Variants in TMEFF1 observed in about 807,000 individuals in gnomAD.
TMEFF1 encodes transmembrane protein with EGF like and two follistatin like domains 1, also known as tomoregulin-1.
TMEFF1 carries 20 observed loss-of-function variants against 47.5 expected under a neutral mutation model. The observed-to-expected ratio is 0.42, with a 90% CI of 0.30 to 0.61. TMEFF1 has a LOEUF of 0.61. Among genes scored for constraint, TMEFF1 ranks in the 20% least tolerant of loss-of-function variants. TMEFF1 has a pLI of 0.19. For synonymous variants in TMEFF1, 162 were observed against 166.3 expected (o/e 0.97, Z 0.20); for missense variants, 411 against 471.1 (o/e 0.87, Z 1.18).
At chr9:100,520,746 G>C (rs1260066287) in intron 5 of TMEFF1, among the ~76,000 whole-genome samples, 3 of 152,184 alleles carry the variant, frequency 2.0e-5, no homozygotes, top group African/African-American at 7.2e-5. Context: ...TGGTAGTAGA[G>C]CAAGGAAGTA....
chr9:100,496,568 T>G (rs1837653179), intron 1 of TMEFF1, among the ~76,000 whole-genome samples: 1 of 152,292 alleles, frequency 6.6e-6, no homozygotes, highest in South Asian at 2.1e-4. Context: ...TGCCTCACAT[T>G]AGCAGGGATG....
intron 1 of TMEFF1, among the ~76,000 whole-genome samples, chr9:100,492,591 G>A (rs147525682): frequency 6.6e-6 from 1 of 152,280 alleles, no homozygotes; most frequent in East Asian, 1.9e-4. Flanking sequence ...GATTAAGTTG[G>A]AGATAAGTTC....
intron 1 of TMEFF1, among the ~76,000 whole-genome samples, chr9:100,479,352 C>T (rs1837296366): frequency 6.6e-6 from 1 of 152,192 alleles, no homozygotes; most frequent in Non-Finnish European, 1.5e-5. Flanking sequence ...TGCTTCCCTA[C>T]AGCAGTCCCC....
intron 5 of TMEFF1, among the ~76,000 whole-genome samples, chr9:100,526,835 G>C (rs959929862): frequency 3.3e-5 from 5 of 151,216 alleles, no homozygotes; most frequent in African/African-American, 1.2e-4. Flanking sequence ...TCTACTTTTG[G>C]CCGGGCATGG....
intron 5 of TMEFF1, 49 bp downstream of exon 5, chr9:100,516,820 A>G (rs1307261448): frequency 1.3e-6 from 2 of 1,584,196 alleles, no homozygotes; most frequent in East Asian, 2.2e-5. Flanking sequence ...ATTAATCATC[A>G]GTATGATTAT....
intron 5 of TMEFF1, among the ~76,000 whole-genome samples, chr9:100,530,157 G>C (rs1838348737): frequency 6.6e-6 from 1 of 151,236 alleles, no homozygotes. Flanking sequence ...ATCCAAAATT[G>C]ACACCCTAAC....
At chr9:100,532,652 AG>A (rs1309282329) in intron 5 of TMEFF1, among the ~76,000 whole-genome samples, 1 of 151,602 alleles carries the variant, frequency 6.6e-6, no homozygotes, top group African/African-American at 2.4e-5. Context: ...ACTGTAAACT[AG>A]TTCAACCATT....
intron 2 of TMEFF1, among the ~76,000 whole-genome samples, chr9:100,505,795 C>T (rs1033057696): frequency 6.6e-6 from 1 of 152,164 alleles, no homozygotes; most frequent in East Asian, 1.9e-4. Context: ...CACAACACTA[C>T]GTTAGAAAGT....
intron 7 of TMEFF1, among the ~76,000 whole-genome samples, chr9:100,560,330 A>G (rs1040341159): frequency 6.6e-6 from 1 of 152,124 alleles, no homozygotes; most frequent in Non-Finnish European, 1.5e-5. Context: ...TTAAGAGGGT[A>G]GTATACTGCA....
intron 5 of TMEFF1, among the ~76,000 whole-genome samples, chr9:100,544,288 G>C (rs544164563): frequency 6.6e-6 from 1 of 152,232 alleles, no homozygotes; most frequent in South Asian, 2.1e-4. Flanking sequence ...CAAAAGAAAG[G>C]GTTTAATTGG....
intron 5 of TMEFF1, among the ~76,000 whole-genome samples, chr9:100,539,130 T>A (rs1053909397): frequency 3.9e-5 from 6 of 152,194 alleles, no homozygotes; most frequent in Non-Finnish European, 4.4e-5. Flanking sequence ...GGTCTTGAAC[T>A]TCTGATCTCA....
intron 7 of TMEFF1, among the ~76,000 whole-genome samples, chr9:100,559,068 A>G (rs1838967423): frequency 2.0e-5 from 3 of 152,140 alleles, no homozygotes; most frequent in South Asian, 2.1e-4. Context: ...TATATGTACT[A>G]CATTCTAAAT....
intron 4 of TMEFF1, among the ~76,000 whole-genome samples, chr9:100,514,766 G>A (rs1353272408): frequency 1.3e-5 from 2 of 151,704 alleles, no homozygotes; most frequent in Non-Finnish European, 1.5e-5. Flanking sequence ...AGGCCGAGGC[G>A]GGCGGATCAC....
At chr9:100,508,302 C>A (rs1439248719) in intron 2 of TMEFF1, among the ~76,000 whole-genome samples, 1 of 152,150 alleles carries the variant, frequency 6.6e-6, no homozygotes, top group Non-Finnish European at 1.5e-5. Flanking sequence ...TTCCTACATG[C>A]AGGTCCAGTG....
chr9:100,549,992 C>T, intron 6 of TMEFF1, 103 bp from the exon 7 acceptor site: 3 of 1,349,746 alleles, frequency 2.2e-6, no homozygotes, highest in African/African-American at 3.0e-5. Flanking sequence ...GATAAGGGGG[C>T]AGAGGTTAAG....
chr9:100,521,109 A>C (rs1184936342), intron 5 of TMEFF1, among the ~76,000 whole-genome samples: 1 of 152,244 alleles, frequency 6.6e-6, no homozygotes, highest in African/African-American at 2.4e-5. Flanking sequence ...ATCTAAAGTA[A>C]GAATAAGTTC....
chr9:100,575,004 C>T (rs773794303), intron 9 of TMEFF1, among the ~76,000 whole-genome samples: 12 of 152,178 alleles, frequency 7.9e-5, no homozygotes, highest in Non-Finnish European at 1.2e-4. Context: ...ACTGTCTCTA[C>T]GATTGAAGAG....
intron 5 of TMEFF1, among the ~76,000 whole-genome samples, chr9:100,546,311 G>GC (rs1838731570): frequency 6.6e-6 from 1 of 152,114 alleles, no homozygotes; most frequent in South Asian, 2.1e-4. Flanking sequence ...TACGTGGATG[G>GC]CAGCAGGCAA....
intron 1 of TMEFF1, among the ~76,000 whole-genome samples, chr9:100,475,933 C>T (rs1458695947): frequency 1.3e-5 from 2 of 151,778 alleles, no homozygotes; most frequent in African/African-American, 4.8e-5. Flanking sequence ...GGGTGACATG[C>T]AGTGTGGGAA....
Sources: gnomAD v4.1 joint callset for allele counts (sites outside exome capture counted in the v4.1 genomes callset) on GRCh38, gnomAD v4.1.1 for gene constraint, MANE v1.5 for transcripts, NCBI Gene and HGNC (gene_info 2026-07-23, HGNC 2026-07-21) for gene names.